Variants in CNTN6 observed in about 807,000 individuals in gnomAD.
CNTN6 encodes the protein contactin 6.
Under a neutral mutation model 122.8 loss-of-function variants are expected in CNTN6, and 137 were observed. The observed-to-expected ratio is 1.12, with a 90% CI of 0.97 to 1.29. The LOEUF (loss-of-function observed/expected upper bound fraction) is 1.29, where lower values mean the gene tolerates loss of function less well. Among genes scored for constraint, CNTN6 ranks in the 50% most tolerant of loss-of-function variants. The pLI, the probability that CNTN6 is intolerant of heterozygous loss-of-function variation, is 0.00. For missense variants in CNTN6, 1,634 were observed against 1,223.4 expected (o/e 1.34, Z -5.01); for synonymous variants, 570 against 426.0 (o/e 1.34, Z -4.16).
At chr3:1,276,862 C>T (rs1289485591) in intron 4 of CNTN6, among the ~76,000 whole-genome samples, 1 of 152,086 alleles carries the variant, frequency 6.6e-6, no homozygotes, top group African/African-American at 2.4e-5. Flanking sequence ...GTTTCTGCTC[C>T]AGCTAGTCAC....
At chr3:1,393,451 A>T (rs1439911221) in intron 20 of CNTN6, among the ~76,000 whole-genome samples, 1 of 144,118 alleles carries the variant, frequency 6.9e-6, no homozygotes, top group Non-Finnish European at 1.5e-5. Flanking sequence ...AGATATACCT[A>T]ATGCTAGATG....
chr3:1,391,571 A>C (rs1694150578), intron 20 of CNTN6, among the ~76,000 whole-genome samples: 1 of 146,744 alleles, frequency 6.8e-6, no homozygotes, highest in Non-Finnish European at 1.5e-5. Context: ...TAGGCAGGAG[A>C]AGGAAATAAA....
chr3:1,191,558 C>T (rs2093703003), intron 2 of CNTN6, among the ~76,000 whole-genome samples: 1 of 152,132 alleles, frequency 6.6e-6, no homozygotes, highest in African/African-American at 2.4e-5. Context: ...CCTTTTCAGC[C>T]AGCTGTTTAT....
At chr3:1,300,451 GGAAGGA>G (rs1697022770) in intron 7 of CNTN6, among the ~76,000 whole-genome samples, 1 of 38,764 alleles carries the variant, frequency 2.6e-5, no homozygotes, top group African/African-American at 1.5e-4. Context: ...GGTCAGTTCA[GGAAGGA>G]AGGAAGGAAG....
intron 1 of CNTN6, among the ~76,000 whole-genome samples, chr3:1,144,108 C>T (rs1443139366): frequency 6.6e-6 from 1 of 152,186 alleles, no homozygotes; most frequent in Non-Finnish European, 1.5e-5. Flanking sequence ...ATGAGCTCTG[C>T]ATTAGACACC....
rs947982111 is a variant in CNTN6, at chr3:1,181,977, C to T, written c.55+33914C>T. ...TCACTGCCAAACCCCTATCCTCATA[C>T]ACTCATCACAGAACATCTCTTCATT... On this transcript the variant is annotated intron_variant, in intron 2 of 22. Transcript: ENST00000446702. Among the ~76,000 whole-genome samples, 5 of 152,252 alleles carry T rather than the reference C, an allele frequency of 3.3e-5. No homozygotes were observed. The South Asian group carries it at 6.2e-4, about 19-fold the overall frequency.
chr3:1,131,729 A>G (rs1456342012), intron 1 of CNTN6, among the ~76,000 whole-genome samples: 2 of 152,106 alleles, frequency 1.3e-5, no homozygotes, highest in African/African-American at 4.8e-5. Context: ...ATGTAGATAA[A>G]TCTTCCTAGA....
chr3:1,373,978 C>T lies in CNTN6; in HGVS notation c.2000C>T (p.Pro667Leu). Residue 667 changes from proline (P) to leucine (L), a missense_variant, in exon 16 of 23, where the codon CCT becomes CTT. By Grantham distance (98) the Pro-to-Leu change is moderately conservative. Transcript: ENST00000446702. ...TYNATVVGLS[P>L]WVEYEFRVVA... ...AATGCAACAGTGGTTGGTTTGAGTC[C>T]TTGGGTGGAATATGAATTTCGTGTT... 2.5e-6 allele frequency: 4 copies of T among 1,613,048 alleles called. No individual in the cohort carries two copies. Among genetic ancestry groups the T allele is most frequent in the Non-Finnish European group, 3.4e-6 (4 of 1,179,362 alleles).
chr3:1,261,423 A>G (rs2094844513), intron 4 of CNTN6, among the ~76,000 whole-genome samples: 1 of 152,132 alleles, frequency 6.6e-6, no homozygotes, highest in Non-Finnish European at 1.5e-5. Context: ...TATCAAGCAC[A>G]TCTCATTATT....
At chr3:1,339,196 G>A (rs894542721) in intron 11 of CNTN6, among the ~76,000 whole-genome samples, 7 of 151,768 alleles carry the variant, frequency 4.6e-5, no homozygotes, top group Non-Finnish European at 1.0e-4. Flanking sequence ...GAACTAATCT[G>A]GCTAATGTCC....
intron 1 of CNTN6, among the ~76,000 whole-genome samples, chr3:1,103,059 TGG>T (rs1486213649): frequency 5.3e-5 from 8 of 151,596 alleles, no homozygotes; most frequent in Admixed American, 1.3e-4. Flanking sequence ...TGAGCCAAGA[TGG>T]CGCCACCGCA....
chr3:1,370,764 C>G (rs965193762), intron 12 of CNTN6, among the ~76,000 whole-genome samples: 1 of 152,058 alleles, frequency 6.6e-6, no homozygotes, highest in African/African-American at 2.4e-5. Context: ...AGGAGAATCT[C>G]TTGAATCTGG....
At chr3:1,162,704 C>T (rs956098653) in intron 2 of CNTN6, among the ~76,000 whole-genome samples, 21 of 152,186 alleles carry the variant, frequency 1.4e-4, no homozygotes, top group African/African-American at 4.3e-4. Flanking sequence ...CTGTGGAAGC[C>T]GGATCTTGCT....
intron 1 of CNTN6, among the ~76,000 whole-genome samples, chr3:1,112,276 A>T (rs181557466): frequency 1.3e-5 from 2 of 152,280 alleles, no homozygotes; most frequent in Admixed American, 6.5e-5. Flanking sequence ...GTATGTGTAT[A>T]GCTATTATGA....
At chr3:1,321,007 T>A (rs907615862) in intron 7 of CNTN6, among the ~76,000 whole-genome samples, 2 of 151,652 alleles carry the variant, frequency 1.3e-5, no homozygotes, top group African/African-American at 4.8e-5. Context: ...TTTACTTTTT[T>A]TTAAATCGTA....
intron 2 of CNTN6, among the ~76,000 whole-genome samples, chr3:1,196,776 G>A (rs575324203): frequency 7.9e-5 from 12 of 152,028 alleles, no homozygotes; most frequent in Admixed American, 1.3e-4. Flanking sequence ...TTATTTATTC[G>A]CCAAATATGT....
intron 12 of CNTN6, among the ~76,000 whole-genome samples, chr3:1,352,826 T>C (rs1158493708): frequency 2.0e-5 from 3 of 151,800 alleles, no homozygotes; most frequent in Admixed American, 1.3e-4. Flanking sequence ...AATATTTACA[T>C]GTATATAAGG....
chr3:1,258,343 T>A (rs1166832868), intron 4 of CNTN6, among the ~76,000 whole-genome samples: 1 of 152,178 alleles, frequency 6.6e-6, no homozygotes, highest in African/African-American at 2.4e-5. Context: ...CTGCTGCTAC[T>A]TCTTAGTGAG....
intron 12 of CNTN6, among the ~76,000 whole-genome samples, chr3:1,365,395 G>A (rs1447057437): frequency 6.6e-6 from 1 of 151,782 alleles, no homozygotes; most frequent in African/African-American, 2.4e-5. Context: ...TTCCATAATA[G>A]TCTCATAAAT....
Sources: allele counts gnomAD v4.1 joint callset (sites outside exome capture counted in the v4.1 genomes callset), GRCh38; gene constraint gnomAD v4.1.1; transcripts MANE v1.5; gene names NCBI Gene and HGNC (gene_info 2026-07-23, HGNC 2026-07-21).